The following ALK variants were observed in gnomAD, a reference collection of about 807,000 sequenced individuals.
The protein encoded by ALK is ALK receptor tyrosine kinase.
ALK carries 74 observed loss-of-function variants against 163.1 expected under a neutral mutation model. The observed-to-expected ratio is 0.45, with a 90% CI of 0.38 to 0.55. The LOEUF (loss-of-function observed/expected upper bound fraction) is 0.55, where lower values mean the gene tolerates loss of function less well. Among genes scored for constraint, ALK ranks in the 20% least tolerant of loss-of-function variants. ALK has a pLI of 0.00. For synonymous variants in ALK, 960 were observed against 843.2 expected (o/e 1.14, Z -2.40); for missense variants, 2,063 against 2,105.3 (o/e 0.98, Z 0.39).
At chr2:29,212,581 C>T (rs1615183) in intron 24 of ALK, among the ~76,000 whole-genome samples, 74,179 of 152,116 alleles carry the variant, frequency 0.49, 18,906 homozygotes, top group East Asian at 0.89. Context: ...TGAGAGTTGA[C>T]TGCCTCATGT....
chr2:29,825,324 T>C (rs563485447), intron 1 of ALK, among the ~76,000 whole-genome samples: 63 of 152,328 alleles, frequency 4.1e-4, no homozygotes, highest in African/African-American at 1.4e-3. Flanking sequence ...TAAGTGCCTA[T>C]TGTGTGGTCA....
At chr2:29,627,251 T>C (rs1033308541) in intron 3 of ALK, among the ~76,000 whole-genome samples, 1 of 152,010 alleles carries the variant, frequency 6.6e-6, no homozygotes, top group African/African-American at 2.4e-5. Flanking sequence ...AATTCTCTTC[T>C]GTTCTCCAGC....
At chr2:29,774,532 A>G (rs568085944) in intron 1 of ALK, among the ~76,000 whole-genome samples, 3 of 152,146 alleles carry the variant, frequency 2.0e-5, no homozygotes, top group Non-Finnish European at 4.4e-5. Context: ...CAGAGTGGCT[A>G]TTTTCTCAAG....
At chr2:29,389,762 C>T (rs1267692351) in intron 4 of ALK, among the ~76,000 whole-genome samples, 3 of 152,324 alleles carry the variant, frequency 2.0e-5, no homozygotes, top group Non-Finnish European at 4.4e-5. Context: ...ATGATAATGA[C>T]GCCTTCCCTG....
intron 3 of ALK, among the ~76,000 whole-genome samples, chr2:29,542,695 G>A (rs1418134215): frequency 6.6e-6 from 1 of 152,018 alleles, no homozygotes; most frequent in Non-Finnish European, 1.5e-5. Flanking sequence ...AAGCTTTTGG[G>A]ATCTTTCTTT....
chr2:29,445,473 C>T (rs914685842), intron 4 of ALK, among the ~76,000 whole-genome samples: 1 of 152,182 alleles, frequency 6.6e-6, no homozygotes, highest in Non-Finnish European at 1.5e-5. Context: ...TCCCTCACAT[C>T]GCTTCCCAGT....
intron 11 of ALK, among the ~76,000 whole-genome samples, chr2:29,263,321 C>T (rs974597324): frequency 2.0e-5 from 3 of 152,160 alleles, no homozygotes; most frequent in Non-Finnish European, 2.9e-5. Flanking sequence ...AAGCCCCAGC[C>T]CCTCACTCTA....
Position 29,428,540 on chromosome 2 carries a change from T to C in ALK, c.1155-44681A>G, listed in dbSNP as rs1399334030. 6.6e-5 allele frequency among the ~76,000 whole-genome samples: 10 copies of C among 151,894 alleles called. No homozygotes were observed. In the East Asian group the frequency reaches 1.9e-3, roughly 29 times the overall value. ...TAGATGAAATAGATACATTCCTAGA[T>C]AGACACAAACTACTGAAACTGACTC... On this transcript the variant is annotated intron_variant, in intron 4 of 28. Coordinates refer to ENST00000389048, the MANE Select transcript of ALK (RefSeq NM_004304.5).
chr2:29,757,363 G>A (rs1373192068), intron 1 of ALK, among the ~76,000 whole-genome samples: 1 of 152,178 alleles, frequency 6.6e-6, no homozygotes, highest in African/African-American at 2.4e-5. Flanking sequence ...GCCGAGGCAT[G>A]GAAAGGTTAA....
intron 4 of ALK, among the ~76,000 whole-genome samples, chr2:29,505,806 G>A (rs116209198): frequency 8.9e-4 from 123 of 137,884 alleles, no homozygotes; most frequent in Admixed American, 8.0e-4. Flanking sequence ...TACACTAATT[G>A]AAAAAAAAAA....
At chr2:29,742,194 A>G (rs1355807759) in intron 1 of ALK, among the ~76,000 whole-genome samples, 1 of 152,236 alleles carries the variant, frequency 6.6e-6, no homozygotes, top group Non-Finnish European at 1.5e-5. Flanking sequence ...TCTGGAGGGA[A>G]AATGCAGGGA....
chr2:29,441,127 C>A (rs1466643893), intron 4 of ALK, among the ~76,000 whole-genome samples: 1 of 152,240 alleles, frequency 6.6e-6, no homozygotes, highest in Non-Finnish European at 1.5e-5. Flanking sequence ...TGCTGGCACG[C>A]CCTGCTCAGG....
At chr2:29,474,023 A>G (rs1349503368) in intron 4 of ALK, among the ~76,000 whole-genome samples, 3 of 152,246 alleles carry the variant, frequency 2.0e-5, no homozygotes, top group African/African-American at 7.2e-5. Flanking sequence ...CTGTTCCAGA[A>G]TATCTTCTAA....
At chr2:29,698,499 C>T (rs1406854866) in intron 2 of ALK, among the ~76,000 whole-genome samples, 3 of 152,180 alleles carry the variant, frequency 2.0e-5, no homozygotes, top group Admixed American at 6.5e-5. Flanking sequence ...TCGACTTCTG[C>T]GGCCATCCCC....
intron 1 of ALK, among the ~76,000 whole-genome samples, chr2:29,803,814 G>A (rs1281621147): frequency 6.6e-6 from 1 of 152,106 alleles, no homozygotes; most frequent in Non-Finnish European, 1.5e-5. Context: ...ACCCTTTGGT[G>A]CGTCATGCCT....
chr2:29,796,939 C>T (rs1043819221), intron 1 of ALK, among the ~76,000 whole-genome samples: 12 of 151,294 alleles, frequency 7.9e-5, no homozygotes, highest in Admixed American at 7.9e-4. Context: ...GGCTCAATGA[C>T]AACAATAACA....
intron 1 of ALK, among the ~76,000 whole-genome samples, chr2:29,765,872 T>C (rs1241203002): frequency 1.3e-5 from 2 of 152,214 alleles, no homozygotes; most frequent in Non-Finnish European, 2.9e-5. Flanking sequence ...GCTTATTTCA[T>C]GCTACCAACA....
intron 3 of ALK, among the ~76,000 whole-genome samples, chr2:29,669,302 T>C (rs1424108927): frequency 6.6e-6 from 1 of 152,140 alleles, no homozygotes. Flanking sequence ...TAGATATTTA[T>C]AATTGTTATA....
chr2:29,813,239 G>A (rs1052665422), intron 1 of ALK, among the ~76,000 whole-genome samples: 57 of 152,252 alleles, frequency 3.7e-4, no homozygotes, highest in Admixed American at 2.3e-3. Flanking sequence ...TAGAGGTTCC[G>A]CACTGTGCCA....
Sources: allele counts gnomAD v4.1 joint callset (sites outside exome capture counted in the v4.1 genomes callset), GRCh38; gene constraint gnomAD v4.1.1; transcripts MANE v1.5; gene names NCBI Gene and HGNC (gene_info 2026-07-23, HGNC 2026-07-21).